CACNA1C: variants seen among roughly 807,000 people sequenced by gnomAD.
CACNA1C encodes calcium voltage-gated channel subunit alpha1 C.
Under a neutral mutation model 229.0 loss-of-function variants are expected in CACNA1C, and 30 were observed. The observed-to-expected ratio is 0.13, with a 90% CI of 0.10 to 0.18. CACNA1C has a LOEUF of 0.18. CACNA1C is among the 10% of genes least tolerant of loss of function. The pLI is 1.00. For missense variants in CACNA1C, 1,658 were observed against 2,845.0 expected, an observed-to-expected ratio of 0.58 and a Z score of 9.49; for synonymous variants, 1,114 against 1,132.5, an observed-to-expected ratio of 0.98 and a Z score of 0.33.
At chr12:2,372,627 T>C (rs2097902130) in intron 3 of CACNA1C, among the ~76,000 whole-genome samples, 1 of 147,188 alleles carries the variant, frequency 6.8e-6, no homozygotes, top group African/African-American at 2.6e-5. Context: ...CGCATTCCCT[T>C]TTTTTTTTTG....
At chr12:2,416,996 C>T (rs1335970305) in intron 3 of CACNA1C, among the ~76,000 whole-genome samples, 3 of 152,212 alleles carry the variant, frequency 2.0e-5, no homozygotes, top group Non-Finnish European at 4.4e-5. Context: ...GTGACTGCCT[C>T]TCCCTGTTGT....
intron 9 of CACNA1C, among the ~76,000 whole-genome samples, chr12:2,527,020 A>AAT (rs1378880827): frequency 2.0e-5 from 3 of 152,190 alleles, no homozygotes; most frequent in South Asian, 2.1e-4. Flanking sequence ...ATCCTTTCTG[A>AAT]ATATATATAT....
rs1324679796 is a variant in CACNA1C, at chr12:2,359,391, T to C, written c.478-89585T>C. 5.3e-5 allele frequency among the ~76,000 whole-genome samples: 8 copies of C among 152,226 alleles called. No individual in the cohort carries two copies. In the South Asian group the frequency reaches 1.7e-3, roughly 32 times the overall value. ...CATCCAGAAAACTTTTGGGGTGTGT[T>C]ACCAAGGAGACAATGGAGTATTTAT... On this transcript the variant is annotated intron_variant, in intron 3 of 46. Transcript: ENST00000399655.
At chr12:2,266,464 A>G (rs2082444333) in intron 3 of CACNA1C, among the ~76,000 whole-genome samples, 1 of 152,198 alleles carries the variant, frequency 6.6e-6, no homozygotes, top group Non-Finnish European at 1.5e-5. Context: ...CACCTGTTAG[A>G]TGGAACCTGG....
chr12:2,419,591 A>G (rs1022691059), intron 3 of CACNA1C, among the ~76,000 whole-genome samples: 8 of 152,188 alleles, frequency 5.3e-5, no homozygotes, highest in African/African-American at 1.9e-4. Context: ...TAGACTCGTT[A>G]GGGCATAAGC....
intron 11 of CACNA1C, among the ~76,000 whole-genome samples, chr12:2,565,225 T>G (rs1261821906): frequency 6.6e-6 from 1 of 151,642 alleles, no homozygotes; most frequent in Non-Finnish European, 1.5e-5. Flanking sequence ...TCCCAGCACT[T>G]TGGGAGGCCG....
At chr12:2,201,126 C>T (rs2097569265) in intron 3 of CACNA1C, among the ~76,000 whole-genome samples, 3 of 152,272 alleles carry the variant, frequency 2.0e-5, no homozygotes, top group South Asian at 4.1e-4. Flanking sequence ...GATTCCTCCT[C>T]CCCTTTCCCA....
chr12:2,435,649 A>G (rs2099127223), intron 3 of CACNA1C, among the ~76,000 whole-genome samples: 1 of 152,168 alleles, frequency 6.6e-6, no homozygotes, highest in African/African-American at 2.4e-5. Context: ...GTTGTCAACC[A>G]TGACATGCTG....
chr12:2,590,711 C>T (rs2064887508), intron 18 of CACNA1C, among the ~76,000 whole-genome samples: 1 of 152,178 alleles, frequency 6.6e-6, no homozygotes, highest in Non-Finnish European at 1.5e-5. Flanking sequence ...ATGTAAGAGC[C>T]TGCACCGTTT....
intron 3 of CACNA1C, among the ~76,000 whole-genome samples, chr12:2,272,660 T>G (rs2085611216): frequency 6.6e-6 from 1 of 152,142 alleles, no homozygotes; most frequent in African/African-American, 2.4e-5. Flanking sequence ...GCAGTTGATT[T>G]GCTTTGTTGT....
At chr12:2,085,868 C>T (rs2067432905) in intron 1 of CACNA1C, among the ~76,000 whole-genome samples, 1 of 152,160 alleles carries the variant, frequency 6.6e-6, no homozygotes, top group Non-Finnish European at 1.5e-5. Context: ...TCTACCAACC[C>T]TACACTTCAG....
intron 3 of CACNA1C, chr12:2,220,973 G>A (rs906166885): frequency 6.6e-6 from 1 of 152,254 alleles, no homozygotes; most frequent in Non-Finnish European, 1.5e-5. Flanking sequence ...AACAAGCAGA[G>A]TTTTGTGGTA....
At chr12:2,070,942 TCCCCTTC>T (rs1440053580) in intron 1 of CACNA1C, among the ~76,000 whole-genome samples, 1 of 126,170 alleles carries the variant, frequency 7.9e-6, no homozygotes, top group Non-Finnish European at 1.7e-5. Flanking sequence ...CTTTCCCCTT[TCCCCTTC>T]CCTCCCTCCC....
intron 29 of CACNA1C, among the ~76,000 whole-genome samples, chr12:2,615,232 G>C (rs1022556640): frequency 6.6e-6 from 1 of 152,222 alleles, no homozygotes; most frequent in African/African-American, 2.4e-5. Flanking sequence ...AGCACGAAAA[G>C]TGCTGGCTGG....
At chr12:2,071,172 CCCTGCCTG>C (rs767264073) in intron 1 of CACNA1C, among the ~76,000 whole-genome samples, 4 of 16,038 alleles carry the variant, frequency 2.5e-4, no homozygotes, top group South Asian at 2.5e-3. Flanking sequence ...CTCCCTCCCT[CCCTGCCTG>C]CCTGCCTGCC....
intron 3 of CACNA1C, among the ~76,000 whole-genome samples, chr12:2,447,728 G>C (rs577574643): frequency 6.6e-6 from 1 of 152,346 alleles, no homozygotes; most frequent in Admixed American, 6.5e-5. Flanking sequence ...CAGCTGGCTA[G>C]GCAGGAGGAG....
chr12:2,377,449 G>A (rs550033018), intron 3 of CACNA1C, among the ~76,000 whole-genome samples: 3 of 152,146 alleles, frequency 2.0e-5, no homozygotes, highest in South Asian at 4.1e-4. Flanking sequence ...GGAACTCACC[G>A]ACCAGCCTAG....
intron 3 of CACNA1C, among the ~76,000 whole-genome samples, chr12:2,177,785 T>G (rs1235284117): frequency 6.6e-6 from 1 of 152,056 alleles, no homozygotes; most frequent in Admixed American, 6.6e-5. Flanking sequence ...TATAGGCTTC[T>G]GCCACCACAC....
At position 2,679,872 on chromosome 12, in the gene CACNA1C, C is replaced by T. The variant is rs112482183; in HGVS notation, c.5444+76C>T. 5.6e-6 allele frequency: 6 copies of T among 1,073,546 alleles called. No individual in the cohort carries two copies. Among genetic ancestry groups the T allele is most frequent in the African/African-American group, 4.7e-5 (3 of 63,296 alleles). The allele number at this position is 1,073,546 out of a possible 1,614,324, so 66.5% of individuals were successfully genotyped here. ...AACCCTCAGGAGACAGTGGAGGAGA[C>T]GGAGGCCTCGGCCAGCCACTTGTCC... is the stretch of plus-strand genomic sequence containing the variant. On this transcript the variant is annotated intron_variant, in intron 42 of 46. Coordinates refer to ENST00000399655, the MANE Select transcript of CACNA1C (RefSeq NM_000719.7). This position sits in a 1 kb window ranked among gnomAD's most constrained non-coding sequence, Gnocchi z 5.5.
Sources: gnomAD v4.1 joint callset for allele counts (sites outside exome capture counted in the v4.1 genomes callset) on GRCh38, gnomAD v4.1.1 for gene constraint, Gnocchi (gnomAD v3.1) non-coding constraint, MANE v1.5 for transcripts, NCBI Gene and HGNC (gene_info 2026-07-23, HGNC 2026-07-21) for gene names.